The following HACL1 variants were observed in gnomAD, a reference collection of about 807,000 sequenced individuals.
The protein encoded by HACL1 is 1600020H07Rik.
A neutral mutation model predicts 74.2 loss-of-function variants in HACL1; 64 were observed. That is an observed-to-expected ratio of 0.86 (90% confidence interval 0.70 to 1.06). The LOEUF (loss-of-function observed/expected upper bound fraction) is 1.06. HACL1 is among the 50% of genes least tolerant of loss of function. HACL1 has a pLI of 0.00. For synonymous variants in HACL1, 230 were observed against 238.8 expected, an observed-to-expected ratio of 0.96 and a Z score of 0.34; for missense variants, 728 against 719.7, an observed-to-expected ratio of 1.01 and a Z score of -0.13.
rs777871547 is a variant in HACL1 at position 15,563,387 on chromosome 3, T to C, written c.1675A>G (p.Ile559Val). Residue 559 changes from isoleucine to valine, a missense_variant, in exon 16 of 17, where the codon ATT (isoleucine) becomes GTT (valine). By Grantham distance (29) the Ile-to-Val change is conservative. Coordinates refer to ENST00000321169, the MANE Select transcript of HACL1 (RefSeq NM_012260.4). ...GCCTTCCGTGTGGCTTGTGGCTCAA[T>C]CATGATGTTGATAAGAGAAGGTTTA... Reference protein sequence around the residue: ...TTKPSLINIMIEPQATRKAQD... With the variant: ...TTKPSLINIMVEPQATRKAQD... 1 of 1,613,788 alleles carries C rather than the reference T, an allele frequency of 6.2e-7. No homozygotes were observed. The highest frequency in any genetic ancestry group is 8.5e-7 in the Non-Finnish European group (1 of 1,179,762).
chr3:15,592,656 ACG>A (rs1216808611), intron 3 of HACL1, among the ~76,000 whole-genome samples: 3 of 46 alleles, frequency 0.065, no homozygotes, highest in African/African-American at 0.25. Context: ...ATACACATGT[ACG>A]CACATGTGTG....
chr3:15,594,974 A>G (rs1356644033), intron 3 of HACL1, among the ~76,000 whole-genome samples: 2 of 152,126 alleles, frequency 1.3e-5, no homozygotes, highest in African/African-American at 2.4e-5. Context: ...CTAAAATACA[A>G]AAATTAGCTG....
intron 1 of HACL1, 56 bp downstream of exon 1, chr3:15,601,327 T>C: frequency 9.9e-6 from 16 of 1,609,484 alleles, no homozygotes; most frequent in Non-Finnish European, 1.4e-5. Flanking sequence ...CAAGACAACA[T>C]CGCGGTCCCC....
At chr3:15,573,352 A>T in intron 10 of HACL1, 110 bp from the exon 11 acceptor site, 1 of 652,990 alleles carries the variant, frequency 1.5e-6, no homozygotes, top group East Asian at 2.7e-5. Context: ...ATGATAAAGA[A>T]GATTTGATAT....
Position 15,580,375 on chromosome 3 carries a change from C to T in HACL1, c.668-330G>A, listed in dbSNP as rs1368934291. 3.3e-5 allele frequency among the ~76,000 whole-genome samples: 5 copies of T among 152,316 alleles called. No homozygotes were observed. In the East Asian group the frequency reaches 5.8e-4, roughly 18 times the overall value. On this transcript the variant is annotated intron_variant, in intron 8 of 16. Coordinates refer to ENST00000321169, the MANE Select transcript of HACL1 (RefSeq NM_012260.4). Reference sequence around the variant, plus strand: ...CTGGTCTTGAACTCATGGGCTCAAGCAATCCTCCTTCCTTGACCTCCTAAG... The same window carrying T: ...CTGGTCTTGAACTCATGGGCTCAAGTAATCCTCCTTCCTTGACCTCCTAAG...
chr3:15,585,235 A>G lies in HACL1; in HGVS notation c.554+13T>C. On this transcript the variant is annotated intron_variant, in intron 7 of 16. Transcript: ENST00000321169. ...TACATTGAAGAAAGAATTCCAGCAT[A>G]ACTATTACTCACTTTATAGAATTCA... The G allele has an allele frequency of 1.6e-6, 2 of 1,273,596 alleles. No individual in the cohort carries two copies. Among genetic ancestry groups the G allele is most frequent in the South Asian group, 1.2e-5 (1 of 83,496 alleles). 78.9% of individuals were successfully genotyped at this position (1,273,596 alleles called of 1,614,324 possible). A position where few individuals can be genotyped will look rare whatever the true frequency, so the allele number is the denominator to read the frequency against.
chr3:15,569,459 G>A, intron 12 of HACL1, among the ~76,000 whole-genome samples: 1 of 152,150 alleles, frequency 6.6e-6, no homozygotes, highest in East Asian at 1.9e-4. Flanking sequence ...GCCAAGGCGG[G>A]CGGATCACGA....
chr3:15,580,137 T>C (rs2063696170), intron 8 of HACL1, 92 bp from the exon 9 acceptor site: 1 of 1,061,806 alleles, frequency 9.4e-7, no homozygotes, highest in Non-Finnish European at 1.4e-6. Context: ...TTTTACTTAT[T>C]TATATTTTGA....
rs2063333489 is a variant in HACL1 at position 15,560,776 on chromosome 3, A to G, written c.*89T>C. The G allele has an allele frequency of 1.2e-6, 1 of 869,306 alleles. No homozygotes were observed. Among genetic ancestry groups the G allele is most frequent in the African/African-American group, 1.7e-5 (1 of 59,104 alleles). 53.8% of individuals were successfully genotyped at this position (869,306 alleles called of 1,614,324 possible). On this transcript the variant is annotated 3_prime_UTR_variant, in exon 17 of 17. Transcript: ENST00000321169. The stretch of plus-strand genomic sequence containing the variant: ...TTAAATGTTTATTTTATTTTGCACA[A>G]TTTTAACAGTAGAGTAATTTTGCTG...
At chr3:15,596,181 T>C (rs2064059664) in intron 3 of HACL1, 1 of 524,668 alleles carries the variant, frequency 1.9e-6, no homozygotes, top group Non-Finnish European at 3.4e-6. Flanking sequence ...CTCTACAAAA[T>C]GGCAATGTGT....
At chr3:15,564,840 T>G (rs1301061245) in intron 14 of HACL1, among the ~76,000 whole-genome samples, 182 bp from the exon 15 acceptor site, 2 of 152,142 alleles carry the variant, frequency 1.3e-5, no homozygotes. Flanking sequence ...AACAGAAACA[T>G]CATGGAAAGG....
intron 15 of HACL1, among the ~76,000 whole-genome samples, 155 bp from the exon 16 acceptor site, chr3:15,563,699 T>C (rs951512386): frequency 7.9e-5 from 12 of 152,242 alleles, no homozygotes; most frequent in African/African-American, 2.7e-4. Context: ...ACACTGAGTT[T>C]TTCCTATATT....
At position 15,571,772 on chromosome 3, in the gene HACL1, T is replaced by TAAAAA; in HGVS notation, c.994-8_994-4dup. 1 of 829,834 alleles carries TAAAAA rather than the reference T, an allele frequency of 1.2e-6. No homozygotes were observed. Among genetic ancestry groups the TAAAAA allele is most frequent in the Non-Finnish European group, 1.9e-6 (1 of 538,770 alleles). 51.4% of individuals were successfully genotyped at this position (829,834 alleles called of 1,614,324 possible). A position where few individuals can be genotyped will look rare whatever the true frequency, so the allele number is the denominator to read the frequency against. ...GTTTTATCAAGTTCCTCTAAAAGCT[T>TAAAAA]AAAAAAAAAAAAACACACACACACA... On this transcript the variant is annotated splice_region_variant and splice_polypyrimidine_tract_variant and intron_variant, in intron 11 of 16. Transcript: ENST00000321169.
intron 5 of HACL1, among the ~76,000 whole-genome samples, chr3:15,588,393 G>A (rs1377782289): frequency 6.6e-6 from 1 of 152,078 alleles, no homozygotes; most frequent in Admixed American, 6.6e-5. Flanking sequence ...AGGAGTTCAA[G>A]ACCAGCCTGG....
intron 2 of HACL1, among the ~76,000 whole-genome samples, chr3:15,599,696 A>G (rs145849156): frequency 1.3e-5 from 2 of 152,234 alleles, no homozygotes; most frequent in East Asian, 3.9e-4. Flanking sequence ...TACTACATCT[A>G]TTGTGAGAGT....
rs1291181114 is a variant in HACL1 at position 15,573,303 on chromosome 3, C to G, written c.910-61G>C. On this transcript the variant is annotated intron_variant, in intron 10 of 16. Transcript: ENST00000321169. ...TTATTCTGAAAAATATGTAAGAAGGCAATTACGATTGAATAAATGAACTGT... is the reference window on the plus strand; with the variant it reads ...TTATTCTGAAAAATATGTAAGAAGGGAATTACGATTGAATAAATGAACTGT... 16 of 927,586 alleles carry G rather than the reference C, an allele frequency of 1.7e-5. No homozygotes were observed. The East Asian group carries it at 3.9e-4, about 22-fold the overall frequency. 57.5% of individuals were successfully genotyped at this position (927,586 alleles called of 1,614,324 possible).
chr3:15,598,102 G>T (rs2064104947), intron 2 of HACL1, among the ~76,000 whole-genome samples: 1 of 151,768 alleles, frequency 6.6e-6, no homozygotes, highest in South Asian at 2.1e-4. Context: ...TTGGCTCACG[G>T]CAACCTCCAC....
intron 2 of HACL1, 186 bp downstream of exon 2, chr3:15,600,904 A>G (rs531305045): frequency 6.5e-6 from 4 of 617,222 alleles, no homozygotes; most frequent in African/African-American, 5.5e-5. Flanking sequence ...GGCAAGTTTT[A>G]CTTAACCTGT....
At position 15,585,258 on chromosome 3, in the gene HACL1, T is replaced by A. The variant is rs1026975532; in HGVS notation, c.544A>T (p.Asn182Tyr). 2 of 1,528,800 alleles carry A rather than the reference T, an allele frequency of 1.3e-6. No individual in the cohort carries two copies. Among genetic ancestry groups the A allele is most frequent in the Non-Finnish European group, 1.8e-6 (2 of 1,102,360 alleles). 94.7% of individuals were successfully genotyped at this position (1,528,800 alleles called of 1,614,324 possible). ...ADFVNLQVNV[N>Y]SIKYMERCMS... The stretch of plus-strand genomic sequence containing the variant: ...ATAACTATTACTCACTTTATAGAAT[T>A]CACATTCACCTGAAGGTTCACAAAA... The change falls in exon 7 of 17, where the codon AAT (asparagine) becomes TAT (tyrosine). Residue 182 changes from asparagine (N) to tyrosine (Y), a missense_variant. Transcript: ENST00000321169.
Sources: allele counts gnomAD v4.1 joint callset (sites outside exome capture counted in the v4.1 genomes callset), GRCh38; gene constraint gnomAD v4.1.1; transcripts MANE v1.5; gene names NCBI Gene and HGNC (gene_info 2026-07-23, HGNC 2026-07-21).